Variants in MVB12B observed in about 807,000 individuals in gnomAD.
MVB12B encodes ESCRT-I complex subunit MVB12B.
MVB12B carries 16 observed loss-of-function variants against 41.6 expected under a neutral mutation model. That is an observed-to-expected ratio of 0.38 (90% CI 0.26 to 0.58). The LOEUF is 0.58. Among genes scored for constraint, MVB12B ranks in the 20% least tolerant of loss-of-function variants. The pLI is 0.62. For synonymous variants in MVB12B, 133 were observed against 139.7 expected (o/e 0.95, Z 0.34); for missense variants, 274 against 380.2 (o/e 0.72, Z 2.32).
Position 126,395,736 on chromosome 9 carries a change from C to T in MVB12B, c.662+39C>T. ...GGGGTGTCTTGCGTTGTCCTGTGGTCTTAGGTCCCTGCACAACATTTTAGA... is the reference window on the plus strand; with the variant it reads ...GGGGTGTCTTGCGTTGTCCTGTGGTTTTAGGTCCCTGCACAACATTTTAGA... On this transcript the variant is annotated intron_variant, in intron 6 of 9. Transcript: ENST00000361171. This position sits in a 1 kb window ranked among gnomAD's most constrained non-coding sequence, Gnocchi z 4.9. The T allele has an allele frequency of 1.2e-6, 2 of 1,610,886 alleles. No individual in the cohort carries two copies. Among genetic ancestry groups the T allele is most frequent in the Non-Finnish European group, 1.7e-6 (2 of 1,178,496 alleles).
intron 2 of MVB12B, among the ~76,000 whole-genome samples, chr9:126,344,647 T>C (rs770012058): frequency 6.6e-6 from 1 of 152,244 alleles, no homozygotes; most frequent in Non-Finnish European, 1.5e-5. Flanking sequence ...CTCCCCCTCC[T>C]CTGTGACCCT....
At chr9:126,426,571 C>G (rs771196012) in intron 7 of MVB12B, among the ~76,000 whole-genome samples, 1 of 151,948 alleles carries the variant, frequency 6.6e-6, no homozygotes, top group African/African-American at 2.4e-5. Flanking sequence ...TGGTGGCACC[C>G]TACCTTTTTT....
At chr9:126,500,669 C>T (rs1449217421) in intron 9 of MVB12B, among the ~76,000 whole-genome samples, 1 of 152,264 alleles carries the variant, frequency 6.6e-6, no homozygotes, top group Non-Finnish European at 1.5e-5. Context: ...CATGTTCTCT[C>T]CTGAGCCGGG....
At chr9:126,410,268 G>A (rs939873718) in intron 6 of MVB12B, among the ~76,000 whole-genome samples, 16 of 152,092 alleles carry the variant, frequency 1.1e-4, no homozygotes, top group African/African-American at 2.2e-4. Flanking sequence ...TGCATTGGTC[G>A]TGGCAAATGG....
chr9:126,487,761 C>T (rs866811292), intron 9 of MVB12B, among the ~76,000 whole-genome samples: 6 of 127,146 alleles, frequency 4.7e-5, no homozygotes, highest in Admixed American at 8.5e-5. Flanking sequence ...GGCGAGACTC[C>T]GTCTCAAAAA....
intron 3 of MVB12B, 84 bp downstream of exon 3, chr9:126,381,255 T>G: frequency 1.0e-6 from 1 of 1,001,652 alleles, no homozygotes. Context: ...TTGTTGTTGT[T>G]GTGGTTTATT....
intron 7 of MVB12B, among the ~76,000 whole-genome samples, chr9:126,447,303 T>G (rs1244570083): frequency 6.6e-6 from 1 of 151,556 alleles, no homozygotes; most frequent in South Asian, 2.1e-4. Context: ...TAGCTTCCCT[T>G]GAGTGGTTCC....
At chr9:126,420,078 C>A (rs1041470358) in intron 6 of MVB12B, among the ~76,000 whole-genome samples, 1 of 152,210 alleles carries the variant, frequency 6.6e-6, no homozygotes, top group Non-Finnish European at 1.5e-5. Flanking sequence ...CCTTTCACTG[C>A]CATAACACCT....
intron 7 of MVB12B, among the ~76,000 whole-genome samples, chr9:126,475,174 G>A (rs1465899203): frequency 1.3e-5 from 2 of 152,114 alleles, no homozygotes; most frequent in Non-Finnish European, 2.9e-5. Flanking sequence ...TTTGGCCCAC[G>A]ATCACAACTT....
intron 7 of MVB12B, among the ~76,000 whole-genome samples, chr9:126,446,624 C>A (rs1350544376): frequency 1.3e-5 from 2 of 150,304 alleles, no homozygotes; most frequent in Non-Finnish European, 3.0e-5. Flanking sequence ...TTTTTTCAGG[C>A]TTTCTACTTT....
Position 126,504,102 on chromosome 9 carries a change from T to TGCTG in MVB12B, c.*842_*845dup, listed in dbSNP as rs1834018969. ...GACCACAGGGACACCCTCTGAGACG[T>TGCTG]GCTGGCCCCAGGAGGATACAGGCAC... On this transcript the variant is annotated 3_prime_UTR_variant, in exon 10 of 10. Transcript: ENST00000361171. The TGCTG allele has an allele frequency of 6.6e-6, 1 of 152,338 alleles. No individual in the cohort carries two copies. The highest frequency in any genetic ancestry group is 1.5e-5 in the Non-Finnish European group (1 of 68,156). The allele number at this position is 152,338 out of a possible 1,614,324, so 9.4% of individuals were successfully genotyped here.
chr9:126,461,376 A>T (rs186462393), intron 7 of MVB12B, among the ~76,000 whole-genome samples: 311 of 152,300 alleles, frequency 2.0e-3, no homozygotes, highest in Non-Finnish European at 2.9e-3. Context: ...TATATATAAA[A>T]AAAAAAAGAG....
At chr9:126,361,766 T>A (rs2118893723) in intron 2 of MVB12B, among the ~76,000 whole-genome samples, 1 of 152,226 alleles carries the variant, frequency 6.6e-6, no homozygotes, top group East Asian at 1.9e-4. Context: ...TACAAAAAAT[T>A]AGCTGGGTGT....
rs188313570 is a variant in MVB12B at position 126,470,898 on chromosome 9, G to A, written c.758-10471G>A. On this transcript the variant is annotated intron_variant, in intron 7 of 9. Transcript: ENST00000361171. The stretch of plus-strand genomic sequence containing the variant: ...GGTAGAAAAAGGTCAACCGTGAAAG[G>A]GTATTTCCCTCTGTACAGCAGTAAT... Among the ~76,000 whole-genome samples the A allele has an allele frequency of 2.0e-5, 3 of 152,218 alleles. No homozygotes were observed. The East Asian group carries it at 5.8e-4, about 29-fold the overall frequency.
intron 2 of MVB12B, among the ~76,000 whole-genome samples, chr9:126,372,087 C>T (rs1489628232): frequency 6.6e-6 from 1 of 152,228 alleles, no homozygotes; most frequent in Admixed American, 6.5e-5. Flanking sequence ...CTTTCTGTCT[C>T]TAGGGATTTC....
At chr9:126,327,394 G>C in intron 1 of MVB12B, 1 of 927,726 alleles carries the variant, frequency 1.1e-6, no homozygotes, top group Non-Finnish European at 1.3e-6. Context: ...GCCTGGCCTG[G>C]GGTCCTGCTC....
chr9:126,347,299 C>T (rs933072403), intron 2 of MVB12B, among the ~76,000 whole-genome samples: 3 of 152,238 alleles, frequency 2.0e-5, no homozygotes, highest in Admixed American at 6.5e-5. Flanking sequence ...TCGGCCTGTG[C>T]GGGCAGCACA....
Position 126,504,949 on chromosome 9 carries a change from C to T in MVB12B, c.*1686C>T, listed in dbSNP as rs1834036472. On this transcript the variant is annotated 3_prime_UTR_variant, in exon 10 of 10. Transcript: ENST00000361171. Reference sequence around the variant, plus strand: ...CATAAGCCAGTGTGGTTCTGGGGACCTGAGGAGCCCTGTGGCACCCACAGG... The same window carrying T: ...CATAAGCCAGTGTGGTTCTGGGGACTTGAGGAGCCCTGTGGCACCCACAGG... 1 of 152,236 alleles carries T rather than the reference C, an allele frequency of 6.6e-6. No individual in the cohort carries two copies. Among genetic ancestry groups the T allele is most frequent in the African/African-American group, 2.4e-5 (1 of 41,452 alleles). The allele number at this position is 152,236 out of a possible 1,614,324, so 9.4% of individuals were successfully genotyped here.
rs1834056294 is a variant in MVB12B, at chr9:126,505,741, G to GTCTC, written c.*2478_*2479insTCTC. On this transcript the variant is annotated 3_prime_UTR_variant, in exon 10 of 10. Transcript: ENST00000361171. ...GCCCACCTGAGTGGGGCTCGTGCAG[G>GTCTC]AGAACTGAGGCATGAAACTCTGGCT... The GTCTC allele has an allele frequency of 6.6e-6, 1 of 152,146 alleles. No individual in the cohort carries two copies. The highest frequency in any genetic ancestry group is 2.4e-5 in the African/African-American group (1 of 41,408). 9.4% of individuals were successfully genotyped at this position (152,146 alleles called of 1,614,324 possible).
Sources: gnomAD v4.1 joint callset for allele counts (sites outside exome capture counted in the v4.1 genomes callset) on GRCh38, gnomAD v4.1.1 for gene constraint, Gnocchi (gnomAD v3.1) non-coding constraint, MANE v1.5 for transcripts, NCBI Gene and HGNC (gene_info 2026-07-23, HGNC 2026-07-21) for gene names.